Variants in DLGAP2 observed in about 807,000 individuals in gnomAD.
DLGAP2 encodes DLG associated protein 2.
Under a neutral mutation model 100.3 loss-of-function variants are expected in DLGAP2, and 26 were observed. The ratio of observed to expected loss-of-function variants is 0.26; its 90% CI spans 0.19 to 0.36. The LOEUF (loss-of-function observed/expected upper bound fraction) is 0.36. Ranked by LOEUF, DLGAP2 falls within the 10% of genes least tolerant of loss-of-function variation. The pLI, the probability that DLGAP2 is intolerant of heterozygous loss-of-function variation, is 1.00. For synonymous variants in DLGAP2, 886 were observed against 630.1 expected (o/e 1.41, Z -6.08); for missense variants, 1,858 against 1,453.2 (o/e 1.28, Z -4.53).
intron 2 of DLGAP2, among the ~76,000 whole-genome samples, chr8:1,140,365 G>C (rs1170537226): frequency 8.0e-6 from 1 of 124,562 alleles, no homozygotes; most frequent in African/African-American, 2.7e-5. Context: ...ACACACACCT[G>C]CTCCGTCCTC....
At chr8:1,673,455 C>G (rs373826216) in intron 10 of DLGAP2, among the ~76,000 whole-genome samples, 4 of 152,190 alleles carry the variant, frequency 2.6e-5, no homozygotes, top group Admixed American at 2.6e-4. Context: ...TACCATGTCC[C>G]CTTCAGACTT....
intron 2 of DLGAP2, among the ~76,000 whole-genome samples, chr8:1,205,413 T>A (rs7461084): frequency 0.72 from 109,824 of 151,842 alleles, 40,742 homozygotes; most frequent in African/African-American, 0.89. Context: ...ACATGACGTC[T>A]CAGCCGGCTC....
intron 3 of DLGAP2, among the ~76,000 whole-genome samples, chr8:1,481,666 C>T (rs1674769701): frequency 1.3e-5 from 2 of 151,622 alleles, no homozygotes; most frequent in South Asian, 2.1e-4. Flanking sequence ...TTAGTAAAGA[C>T]GGGGTTTCAC....
intron 4 of DLGAP2, among the ~76,000 whole-genome samples, chr8:1,526,589 G>A (rs1443317193): frequency 6.6e-6 from 1 of 152,202 alleles, no homozygotes; most frequent in African/African-American, 2.4e-5. Flanking sequence ...GAGGACGGTG[G>A]TGAGTCCTGG....
intron 5 of DLGAP2, among the ~76,000 whole-genome samples, chr8:1,557,374 G>A (rs911488484): frequency 2.6e-5 from 4 of 152,180 alleles, no homozygotes; most frequent in African/African-American, 7.2e-5. Flanking sequence ...AGCCCCTGGT[G>A]AGATGGACGT....
At chr8:1,560,792 A>G (rs1381488738) in intron 5 of DLGAP2, among the ~76,000 whole-genome samples, 1 of 152,198 alleles carries the variant, frequency 6.6e-6, no homozygotes, top group Non-Finnish European at 1.5e-5. Context: ...ATGTGAACAA[A>G]ACATTGGCAA....
chr8:1,194,916 GGC>G (rs1797716883), intron 2 of DLGAP2, among the ~76,000 whole-genome samples: 1 of 152,338 alleles, frequency 6.6e-6, no homozygotes, highest in South Asian at 2.1e-4. Flanking sequence ...AGACCACCTG[GGC>G]GTTCAGTTGT....
At chr8:740,468 G>C (rs1320608496) in intron 1 of DLGAP2, 1 of 152,150 alleles carries the variant, frequency 6.6e-6, no homozygotes, top group South Asian at 2.1e-4. Flanking sequence ...TTTCTCCCCA[G>C]TGACATACAT....
chr8:1,050,244 G>T (rs1373928109), intron 2 of DLGAP2, among the ~76,000 whole-genome samples: 1 of 152,210 alleles, frequency 6.6e-6, no homozygotes, highest in Non-Finnish European at 1.5e-5. Context: ...ACCATGGTTT[G>T]ACACACAATT....
intron 1 of DLGAP2, among the ~76,000 whole-genome samples, chr8:783,365 G>T (rs1043456820): frequency 6.6e-6 from 1 of 152,150 alleles, no homozygotes; most frequent in Non-Finnish European, 1.5e-5. Flanking sequence ...CTTGGTTCTG[G>T]TCTTTTGTTT....
At chr8:1,221,918 A>T (rs73527714) in intron 2 of DLGAP2, among the ~76,000 whole-genome samples, 10,080 of 152,198 alleles carry the variant, frequency 0.066, 1,124 homozygotes, top group African/African-American at 0.23. Flanking sequence ...GCATTCCGAA[A>T]TTCCTGTGGT....
chr8:1,598,593 G>A (rs1309202415), intron 6 of DLGAP2, among the ~76,000 whole-genome samples: 1 of 152,142 alleles, frequency 6.6e-6, no homozygotes, highest in Non-Finnish European at 1.5e-5. Context: ...TTAGTCTTGG[G>A]AGGGTGTATG....
At chr8:1,535,174 C>A (rs926078965) in intron 4 of DLGAP2, among the ~76,000 whole-genome samples, 2 of 152,232 alleles carry the variant, frequency 1.3e-5, no homozygotes, top group African/African-American at 4.8e-5. Context: ...GAAGTCCCCC[C>A]AGGGGTAGTG....
chr8:969,571 A>G (rs1378100363), intron 2 of DLGAP2, among the ~76,000 whole-genome samples: 1 of 152,094 alleles, frequency 6.6e-6, no homozygotes, highest in East Asian at 1.9e-4. Flanking sequence ...AACTTAAATA[A>G]TTATATTACC....
At chr8:1,209,593 A>G (rs1798063099) in intron 2 of DLGAP2, among the ~76,000 whole-genome samples, 1 of 152,164 alleles carries the variant, frequency 6.6e-6, no homozygotes, top group Admixed American at 6.5e-5. Flanking sequence ...TCCCAATGTG[A>G]TGGTATTTGG....
intron 3 of DLGAP2, among the ~76,000 whole-genome samples, chr8:1,471,583 C>T (rs1798794307): frequency 6.6e-6 from 1 of 151,450 alleles, no homozygotes; most frequent in African/African-American, 2.4e-5. Context: ...CCCCAGCCTC[C>T]CTCCTAACCT....
chr8:1,645,046 G>C (rs991744570), intron 8 of DLGAP2, among the ~76,000 whole-genome samples: 3 of 152,140 alleles, frequency 2.0e-5, no homozygotes, highest in African/African-American at 7.2e-5. Context: ...AGAGAGCTCT[G>C]ATGGCACCAC....
chr8:1,026,557 A>T (rs559999459), intron 2 of DLGAP2, among the ~76,000 whole-genome samples: 1 of 152,254 alleles, frequency 6.6e-6, no homozygotes, highest in South Asian at 2.1e-4. Flanking sequence ...AGGTTGTCTT[A>T]TATTGAGAAC....
intron 1 of DLGAP2, among the ~76,000 whole-genome samples, chr8:775,359 TG>T (rs1821488028): frequency 6.6e-6 from 1 of 150,922 alleles, no homozygotes; most frequent in Non-Finnish European, 1.5e-5. Flanking sequence ...CCTGCCTAAT[TG>T]CCCTGGCCAG....
Sources: allele counts gnomAD v4.1 joint callset (sites outside exome capture counted in the v4.1 genomes callset), GRCh38; gene constraint gnomAD v4.1.1; transcripts MANE v1.5; gene names NCBI Gene and HGNC (gene_info 2026-07-23, HGNC 2026-07-21).